Variants in UNC79 observed in about 807,000 individuals in gnomAD.
UNC79 encodes the protein unc-79 subunit of NALCN channel complex.
A neutral mutation model predicts 283.1 loss-of-function variants in UNC79; 37 were observed. The ratio of observed to expected loss-of-function variants is 0.13; its 90% confidence interval spans 0.10 to 0.17. UNC79 has a LOEUF of 0.17. Ranked by LOEUF, UNC79 falls within the 10% of genes least tolerant of loss-of-function variation. The probability of loss-of-function intolerance (pLI) is 1.00; values close to 1 mark genes in which losing one functional copy is unlikely to be tolerated. For synonymous variants in UNC79, 1,107 were observed against 1,200.2 expected (o/e 0.92, Z 1.61); for missense variants, 2,272 against 3,211.1 (o/e 0.71, Z 7.07).
intron 7 of UNC79, among the ~76,000 whole-genome samples, chr14:93,522,957 A>G (rs549987462): frequency 1.4e-4 from 21 of 152,302 alleles, no homozygotes; most frequent in African/African-American, 4.6e-4. Flanking sequence ...ATTAGCTCGG[A>G]TCATTAATAA....
intron 7 of UNC79, among the ~76,000 whole-genome samples, chr14:93,497,783 G>T (rs1206011266): frequency 1.3e-5 from 2 of 151,762 alleles, no homozygotes; most frequent in South Asian, 2.1e-4. Flanking sequence ...GTCAGGAGAT[G>T]TAGACCATCC....
intron 31 of UNC79, among the ~76,000 whole-genome samples, chr14:93,633,630 T>C (rs762198817): frequency 8.5e-5 from 13 of 152,170 alleles, no homozygotes; most frequent in Non-Finnish European, 1.9e-4. Flanking sequence ...TCCATGATGC[T>C]CTGCCTCTCT....
At chr14:93,364,818 T>G (rs568007973) in intron 1 of UNC79, among the ~76,000 whole-genome samples, 1 of 152,030 alleles carries the variant, frequency 6.6e-6, no homozygotes, top group South Asian at 2.1e-4. Context: ...CTACTGCCCT[T>G]TAGAAAAAAA....
chr14:93,515,131 CTAATTA>C (rs2059995697), intron 7 of UNC79, among the ~76,000 whole-genome samples: 1 of 152,050 alleles, frequency 6.6e-6, no homozygotes, highest in Admixed American at 6.6e-5. Flanking sequence ...CTTGATCCTC[CTAATTA>C]TGTTTTAAAT....
chr14:93,396,613 T>G (rs975029719), intron 1 of UNC79, among the ~76,000 whole-genome samples: 1 of 152,188 alleles, frequency 6.6e-6, no homozygotes, highest in African/African-American at 2.4e-5. Flanking sequence ...TTTAGTGTGT[T>G]TGTTTAGTGA....
At chr14:93,477,517 G>A (rs768408596) in intron 3 of UNC79, 41 bp from the exon 4 acceptor site, 7 of 1,497,450 alleles carry the variant, frequency 4.7e-6, no homozygotes, top group African/African-American at 1.4e-5. Context: ...TTTGTTAATT[G>A]CAAAATATTC....
At chr14:93,491,648 G>A (rs2140512392) in intron 5 of UNC79, among the ~76,000 whole-genome samples, 1 of 152,250 alleles carries the variant, frequency 6.6e-6, no homozygotes, top group East Asian at 1.9e-4. Flanking sequence ...AAGATTTAAT[G>A]GGTTACATAT....
At position 93,529,334 on chromosome 14, in the gene UNC79, T is replaced by G. The variant is rs115247467; in HGVS notation, c.1093+8T>G. 1.8e-3 allele frequency: 2,973 copies of G among 1,613,712 alleles called. 42 individuals are homozygous for G. The African/African-American group carries it at 0.035, about 19-fold the overall frequency. On this transcript the variant is annotated splice_region_variant and intron_variant, in intron 10 of 48. Coordinates refer to ENST00000555664, the Ensembl canonical transcript of UNC79. Reference sequence around the variant, plus strand: ...ATGTTCTTCTGCCACAAGGTATGGTTTACTTAGGAAAGGATGAATAATGAG... The same window carrying G: ...ATGTTCTTCTGCCACAAGGTATGGTGTACTTAGGAAAGGATGAATAATGAG...
chr14:93,444,316 G>C (rs1429536239), intron 1 of UNC79, among the ~76,000 whole-genome samples: 1 of 151,988 alleles, frequency 6.6e-6, no homozygotes, highest in Admixed American at 6.6e-5. Context: ...TGAGTCTTAA[G>C]GGTTCTTTAT....
chr14:93,422,378 C>T (rs2055619363), intron 1 of UNC79, among the ~76,000 whole-genome samples: 1 of 152,006 alleles, frequency 6.6e-6, no homozygotes, highest in African/African-American at 2.4e-5. Flanking sequence ...GCAGATGAAG[C>T]CTCCAGGTAG....
At chr14:93,347,040 G>A (rs530328245) in intron 1 of UNC79, among the ~76,000 whole-genome samples, 2 of 151,606 alleles carry the variant, frequency 1.3e-5, no homozygotes, top group South Asian at 2.1e-4. Flanking sequence ...GGCAAAGCAC[G>A]GACTGCTGAG....
chr14:93,637,395 A>T, intron 32 of UNC79, 96 bp downstream of exon 35: 1 of 1,541,330 alleles, frequency 6.5e-7, no homozygotes. Context: ...TTTTCTTAGC[A>T]CCTCCATGGA....
intron 2 of UNC79, among the ~76,000 whole-genome samples, chr14:93,469,815 G>A (rs1039953483): frequency 1.3e-5 from 2 of 152,120 alleles, no homozygotes; most frequent in African/African-American, 2.4e-5. Flanking sequence ...CTAGGAGTTT[G>A]AAGCTGCAGT....
chr14:93,565,150 T>G (rs1411192801), intron 14 of UNC79, among the ~76,000 whole-genome samples: 1 of 152,186 alleles, frequency 6.6e-6, no homozygotes, highest in African/African-American at 2.4e-5. Context: ...AGTGCGCAAG[T>G]CCCTCCCCCG....
intron 20 of UNC79, among the ~76,000 whole-genome samples, chr14:93,584,720 A>C (rs2064090652): frequency 6.6e-6 from 1 of 152,120 alleles, no homozygotes; most frequent in Admixed American, 6.5e-5. Context: ...TTTTTGAGAC[A>C]GGGTCTTACT....
At chr14:93,483,472 T>C (rs1313858179) in intron 4 of UNC79, among the ~76,000 whole-genome samples, 1 of 151,756 alleles carries the variant, frequency 6.6e-6, no homozygotes, top group Non-Finnish European at 1.5e-5. Context: ...CCATATCAGG[T>C]AACACAGCTC....
chr14:93,374,097 C>T (rs1419459405), intron 1 of UNC79, among the ~76,000 whole-genome samples: 3 of 152,130 alleles, frequency 2.0e-5, no homozygotes, highest in Non-Finnish European at 4.4e-5. Flanking sequence ...GAGAGCCCCA[C>T]TAGAGCAATG....
intron 16 of UNC79, among the ~76,000 whole-genome samples, chr14:93,573,966 C>G (rs2063340684): frequency 6.6e-6 from 1 of 152,210 alleles, no homozygotes; most frequent in South Asian, 2.1e-4. Flanking sequence ...GATCAAGCCA[C>G]TGCACTCTAG....
intron 14 of UNC79, among the ~76,000 whole-genome samples, chr14:93,551,344 C>T (rs887596139): frequency 2.6e-5 from 4 of 152,180 alleles, no homozygotes; most frequent in Non-Finnish European, 4.4e-5. Context: ...CCACCGTGCC[C>T]GGCCAGGATT....
Sources: allele counts gnomAD v4.1 joint callset (sites outside exome capture counted in the v4.1 genomes callset), GRCh38; gene constraint gnomAD v4.1.1; transcripts MANE v1.5; gene names NCBI Gene and HGNC (gene_info 2026-07-23, HGNC 2026-07-21).